The following PPFIA2 variants were observed in gnomAD, a reference collection of about 807,000 sequenced individuals.
PPFIA2 encodes the protein PPFI scaffold protein A2.
A neutral mutation model predicts 175.5 loss-of-function variants in PPFIA2; 46 were observed. That is an observed-to-expected ratio of 0.26 (90% confidence interval 0.21 to 0.34). The LOEUF (loss-of-function observed/expected upper bound fraction) is 0.34. Among genes scored for constraint, PPFIA2 ranks in the 10% least tolerant of loss-of-function variants. The pLI, the probability that PPFIA2 is intolerant of heterozygous loss-of-function variation, is 1.00. For missense variants in PPFIA2, 1,179 were observed against 1,506.1 expected (o/e 0.78, Z 3.60); for synonymous variants, 568 against 511.4 (o/e 1.11, Z -1.49).
intron 8 of PPFIA2, among the ~76,000 whole-genome samples, chr12:81,384,682 T>C (rs1283444590): frequency 6.6e-6 from 1 of 152,130 alleles, no homozygotes; most frequent in Non-Finnish European, 1.5e-5. Context: ...AGATCCCTTG[T>C]AAATTTTTAA....
intron 4 of PPFIA2, among the ~76,000 whole-genome samples, chr12:81,652,526 T>G (rs774450939): frequency 1.3e-5 from 2 of 151,998 alleles, no homozygotes; most frequent in Non-Finnish European, 2.9e-5. Flanking sequence ...TAATCCTCAT[T>G]TACATAAAAA....
chr12:81,380,360 T>A (rs1413476539), intron 9 of PPFIA2, among the ~76,000 whole-genome samples: 1 of 152,030 alleles, frequency 6.6e-6, no homozygotes. Flanking sequence ...CAAGACTCTT[T>A]CTCTAAAATA....
intron 4 of PPFIA2, among the ~76,000 whole-genome samples, chr12:81,590,098 G>A (rs1217189589): frequency 1.3e-5 from 2 of 152,118 alleles, no homozygotes; most frequent in Non-Finnish European, 2.9e-5. Flanking sequence ...TTGGGTGACA[G>A]AGCAAAATAC....
At chr12:81,262,944 A>G (rs2036104486) in intron 31 of PPFIA2, among the ~76,000 whole-genome samples, 1 of 152,136 alleles carries the variant, frequency 6.6e-6, no homozygotes, top group Admixed American at 6.5e-5. Flanking sequence ...ATAGAAGACT[A>G]AAGAAACACA....
At chr12:81,616,641 TG>T (rs2061444383) in intron 4 of PPFIA2, among the ~76,000 whole-genome samples, 1 of 152,212 alleles carries the variant, frequency 6.6e-6, no homozygotes, top group Non-Finnish European at 1.5e-5. Flanking sequence ...TATTACATCA[TG>T]GTAAATTATG....
chr12:81,750,911 G>C (rs79682282), intron 3 of PPFIA2, among the ~76,000 whole-genome samples: 4,202 of 152,000 alleles, frequency 0.028, 70 homozygotes, highest in African/African-American at 0.043. Context: ...TACCCTAGTG[G>C]TTTTCAATTT....
chr12:81,347,909 A>AT, intron 17 of PPFIA2, 139 bp from the exon 18 acceptor site: 1 of 1,318,772 alleles, frequency 7.6e-7, no homozygotes, highest in Non-Finnish European at 9.9e-7. Context: ...TAATTTTTTC[A>AT]TCTTTTTTTT....
intron 4 of PPFIA2, among the ~76,000 whole-genome samples, chr12:81,556,007 A>G (rs919823363): frequency 1.3e-5 from 2 of 151,934 alleles, no homozygotes; most frequent in Non-Finnish European, 2.9e-5. Flanking sequence ...TGGAACTAAG[A>G]AATGTTTATG....
chr12:81,289,239 T>C (rs1328194221), intron 24 of PPFIA2, among the ~76,000 whole-genome samples: 1 of 151,798 alleles, frequency 6.6e-6, no homozygotes, highest in Non-Finnish European at 1.5e-5. Flanking sequence ...TTCTGTTAGG[T>C]AGTCTCCATT....
intron 13 of PPFIA2, among the ~76,000 whole-genome samples, 182 bp downstream of exon 13, chr12:81,368,543 A>G (rs1025892898): frequency 2.6e-5 from 4 of 151,814 alleles, no homozygotes; most frequent in African/African-American, 9.7e-5. Flanking sequence ...TTTTTTATTC[A>G]TCCCAAATTT....
intron 5 of PPFIA2, among the ~76,000 whole-genome samples, chr12:81,449,488 C>CAAAAAA (rs552912790): frequency 3.4e-4 from 32 of 93,178 alleles, no homozygotes; most frequent in Non-Finnish European, 4.6e-4. Context: ...TTACTTCAGA[C>CAAAAAA]AAAAAAAAAA....
intron 3 of PPFIA2, among the ~76,000 whole-genome samples, chr12:81,689,121 A>AT (rs890093124): frequency 9.2e-5 from 10 of 108,522 alleles, no homozygotes; most frequent in Admixed American, 6.3e-4. Flanking sequence ...GAGATCTTAA[A>AT]TTTAAAAAAA....
intron 4 of PPFIA2, among the ~76,000 whole-genome samples, chr12:81,656,503 A>G (rs1353711536): frequency 6.6e-6 from 1 of 152,132 alleles, no homozygotes; most frequent in Non-Finnish European, 1.5e-5. Flanking sequence ...CCCTAAATCT[A>G]TAACTCAAGA....
chr12:81,469,161 C>A (rs767646829), intron 4 of PPFIA2, among the ~76,000 whole-genome samples: 13 of 152,170 alleles, frequency 8.5e-5, no homozygotes, highest in Non-Finnish European at 1.6e-4. Flanking sequence ...TTTTTTATGT[C>A]ATTTACTGTA....
At chr12:81,623,261 TA>T (rs774760469) in intron 4 of PPFIA2, among the ~76,000 whole-genome samples, 48 of 152,124 alleles carry the variant, frequency 3.2e-4, no homozygotes, top group Admixed American at 7.2e-4. Context: ...CCAGTTTATT[TA>T]GAGATGTGAG....
chr12:81,616,712 TAAAGG>T lies in PPFIA2; in HGVS notation c.303+60074_303+60078del, dbSNP rs1567586773. Reference sequence around the variant, plus strand: ...ACTTGACATTCACCACACATTTACTTAAAGGAAAGAACCATAAATATTAATATTTC... The same window carrying T: ...ACTTGACATTCACCACACATTTACTTAAAGAACCATAAATATTAATATTTC... On this transcript the variant is annotated intron_variant, in intron 4 of 32. Transcript: ENST00000549396. Among the ~76,000 whole-genome samples the T allele has an allele frequency of 3.3e-5, 5 of 152,326 alleles. No individual in the cohort carries two copies. In the East Asian group the frequency reaches 5.8e-4, roughly 18 times the overall value.
intron 4 of PPFIA2, among the ~76,000 whole-genome samples, chr12:81,528,320 A>C (rs570471026): frequency 6.6e-6 from 1 of 152,210 alleles, no homozygotes; most frequent in South Asian, 2.1e-4. Context: ...CAACAAAATG[A>C]TTAGGTAAAA....
At chr12:81,284,102 T>G in intron 25 of PPFIA2, 139 bp downstream of exon 25, 1 of 665,982 alleles carries the variant, frequency 1.5e-6, no homozygotes, top group Non-Finnish European at 2.6e-6. Flanking sequence ...AAGAAAACTG[T>G]AAAAAATGTT....
chr12:81,302,778 T>C (rs1262212248), intron 22 of PPFIA2: 2 of 405,616 alleles, frequency 4.9e-6, no homozygotes, highest in Non-Finnish European at 1.0e-5. Flanking sequence ...TTATTTTTAA[T>C]TATAAAATAA....
Sources: gnomAD v4.1 joint callset for allele counts (sites outside exome capture counted in the v4.1 genomes callset) on GRCh38, gnomAD v4.1.1 for gene constraint, MANE v1.5 for transcripts, NCBI Gene and HGNC (gene_info 2026-07-23, HGNC 2026-07-21) for gene names.